SLC16A12: variants seen among roughly 807,000 people sequenced by gnomAD.
SLC16A12 encodes the protein monocarboxylate transporter 12.
A neutral mutation model predicts 42.4 loss-of-function variants in SLC16A12; 17 were observed. That is an observed-to-expected ratio of 0.40 (90% CI 0.27 to 0.60). SLC16A12 has a LOEUF of 0.60. Among genes scored for constraint, SLC16A12 ranks in the 20% least tolerant of loss-of-function variants. SLC16A12 has a pLI of 0.42. For synonymous variants in SLC16A12, 224 were observed against 229.4 expected, an observed-to-expected ratio of 0.98 and a Z score of 0.21; for missense variants, 544 against 623.0, an observed-to-expected ratio of 0.87 and a Z score of 1.35.
intron 2 of SLC16A12, among the ~76,000 whole-genome samples, chr10:89,493,119 C>T (rs1025580831): frequency 1.3e-5 from 2 of 152,096 alleles, no homozygotes; most frequent in African/African-American, 4.8e-5. Flanking sequence ...TCAAGAAATA[C>T]GTGTTGCTGA....
intron 7 of SLC16A12, among the ~76,000 whole-genome samples, chr10:89,435,165 T>C (rs190346508): frequency 1.6e-3 from 240 of 152,386 alleles, no homozygotes; most frequent in East Asian, 9.0e-3. Context: ...CAAATCTATA[T>C]ATAAACCAGG....
intron 2 of SLC16A12, among the ~76,000 whole-genome samples, chr10:89,554,072 GAA>G (rs1564607148): frequency 1.8e-5 from 2 of 110,974 alleles, no homozygotes; most frequent in African/African-American, 7.1e-5. Context: ...AAGAAAGAAA[GAA>G]AGAAAGAAAG....
chr10:89,476,560 C>A (rs1390187569), intron 2 of SLC16A12, among the ~76,000 whole-genome samples: 1 of 152,196 alleles, frequency 6.6e-6, no homozygotes, highest in Non-Finnish European at 1.5e-5. Flanking sequence ...AGAACAGGGA[C>A]TCAATAAGCA....
chr10:89,552,735 T>C (rs1843778935), intron 2 of SLC16A12, among the ~76,000 whole-genome samples: 1 of 152,124 alleles, frequency 6.6e-6, no homozygotes, highest in African/African-American at 2.4e-5. Context: ...GGCCCTGCCC[T>C]AACAGAATCT....
intron 2 of SLC16A12, among the ~76,000 whole-genome samples, chr10:89,544,641 A>T (rs1432276693): frequency 6.6e-6 from 1 of 152,204 alleles, no homozygotes; most frequent in Non-Finnish European, 1.5e-5. Flanking sequence ...GAGGAAATTT[A>T]TTGAAATTTT....
intron 2 of SLC16A12, among the ~76,000 whole-genome samples, chr10:89,531,579 G>C (rs1035081587): frequency 6.6e-6 from 1 of 152,174 alleles, no homozygotes; most frequent in African/African-American, 2.4e-5. Flanking sequence ...TTCAGAGGAG[G>C]AGAGCATTGG....
chr10:89,446,410 T>C (rs1295031222), intron 3 of SLC16A12, among the ~76,000 whole-genome samples: 1 of 152,226 alleles, frequency 6.6e-6, no homozygotes, highest in African/African-American at 2.4e-5. Context: ...GCAGATCTCT[T>C]TGCAGAAACC....
At chr10:89,487,962 GTGTATATATA>G (rs1183937776) in intron 2 of SLC16A12, among the ~76,000 whole-genome samples, 21 of 62,806 alleles carry the variant, frequency 3.3e-4, no homozygotes, top group African/African-American at 1.3e-3. Context: ...TGTGGTGTGT[GTGTATATATA>G]TATATATATA....
At chr10:89,465,892 A>G (rs1387702522) in intron 2 of SLC16A12, among the ~76,000 whole-genome samples, 1 of 152,188 alleles carries the variant, frequency 6.6e-6, no homozygotes, top group African/African-American at 2.4e-5. Flanking sequence ...CCTCTGGGAA[A>G]TGTTTCCCTG....
chr10:89,552,857 G>GAAC (rs1275590156), intron 2 of SLC16A12, among the ~76,000 whole-genome samples: 1 of 152,172 alleles, frequency 6.6e-6, no homozygotes, highest in Non-Finnish European at 1.5e-5. Flanking sequence ...CACGTGTAAT[G>GAAC]AACAATCAAA....
intron 2 of SLC16A12, among the ~76,000 whole-genome samples, chr10:89,518,902 G>A (rs1340981395): frequency 1.3e-5 from 2 of 151,986 alleles, no homozygotes; most frequent in East Asian, 1.9e-4. Context: ...AAAATTACCT[G>A]GGGAAATGTA....
At chr10:89,488,433 C>T (rs1192185409) in intron 2 of SLC16A12, among the ~76,000 whole-genome samples, 1 of 152,112 alleles carries the variant, frequency 6.6e-6, no homozygotes, top group East Asian at 1.9e-4. Flanking sequence ...AGCATGGTAC[C>T]ACACCTTGCA....
chr10:89,507,110 C>T (rs1369645165), intron 2 of SLC16A12, among the ~76,000 whole-genome samples: 3 of 152,056 alleles, frequency 2.0e-5, no homozygotes, highest in Admixed American at 2.0e-4. Context: ...ATTGGTGTAC[C>T]TGAAAGTGAC....
At chr10:89,532,559 T>C (rs181599442) in intron 2 of SLC16A12, among the ~76,000 whole-genome samples, 18 of 152,318 alleles carry the variant, frequency 1.2e-4, no homozygotes, top group Admixed American at 2.0e-4. Flanking sequence ...ACTGGAAAGG[T>C]ACTCATAAGA....
chr10:89,467,255 G>A (rs1402352160), intron 2 of SLC16A12, among the ~76,000 whole-genome samples: 1 of 152,192 alleles, frequency 6.6e-6, no homozygotes. Flanking sequence ...TGCTGTGAAA[G>A]AATACTGAAA....
intron 2 of SLC16A12, among the ~76,000 whole-genome samples, chr10:89,499,480 G>A (rs370082412): frequency 6.6e-6 from 1 of 152,156 alleles, no homozygotes; most frequent in East Asian, 1.9e-4. Context: ...CTTGAACCTG[G>A]GAGGTGGAGG....
At chr10:89,504,789 C>A (rs1404693554) in intron 2 of SLC16A12, among the ~76,000 whole-genome samples, 4 of 152,126 alleles carry the variant, frequency 2.6e-5, no homozygotes, top group Non-Finnish European at 5.9e-5. Context: ...AAGACATATG[C>A]TGGGGCCTGA....
intron 7 of SLC16A12, 135 bp downstream of exon 7, chr10:89,435,925 T>A: frequency 7.8e-7 from 1 of 1,280,204 alleles, no homozygotes; most frequent in African/African-American, 1.5e-5. Flanking sequence ...TTTTGGGGGC[T>A]CTTATATCCC....
At chr10:89,533,436 T>G (rs1211368845) in intron 2 of SLC16A12, among the ~76,000 whole-genome samples, 1 of 152,202 alleles carries the variant, frequency 6.6e-6, no homozygotes. Flanking sequence ...TCAATTGAAC[T>G]AAATTGAAAA....
Sources: gnomAD v4.1 joint callset for allele counts (sites outside exome capture counted in the v4.1 genomes callset) on GRCh38, gnomAD v4.1.1 for gene constraint, MANE v1.5 for transcripts, NCBI Gene and HGNC (gene_info 2026-07-23, HGNC 2026-07-21) for gene names.